The following EPB41L4A variants were observed in gnomAD, a reference collection of about 807,000 sequenced individuals.
The protein encoded by EPB41L4A is band 4.1-like protein 4A.
Under a neutral mutation model 108.6 loss-of-function variants are expected in EPB41L4A, and 100 were observed. The ratio of observed to expected loss-of-function variants is 0.92; its 90% CI spans 0.78 to 1.09. EPB41L4A has a LOEUF of 1.09. Among genes scored for constraint, EPB41L4A ranks in the 50% least tolerant of loss-of-function variants. The pLI, the probability that EPB41L4A is intolerant of heterozygous loss-of-function variation, is 0.00. For synonymous variants in EPB41L4A, 319 were observed against 289.0 expected (o/e 1.10, Z -1.05); for missense variants, 1,030 against 842.7 (o/e 1.22, Z -2.75).
intron 6 of EPB41L4A, chr5:112,264,648 G>A (rs1751724238): frequency 3.5e-6 from 1 of 283,398 alleles, no homozygotes; most frequent in Non-Finnish European, 6.5e-6. Flanking sequence ...ACAAAGAGAT[G>A]TCTGAAAGGC....
intron 1 of EPB41L4A, among the ~76,000 whole-genome samples, chr5:112,405,963 T>C (rs1030562203): frequency 2.0e-5 from 3 of 152,270 alleles, no homozygotes; most frequent in African/African-American, 7.2e-5. Flanking sequence ...TATATTCTTG[T>C]AGAATTGAGT....
At chr5:112,201,344 T>C (rs548245734) in intron 15 of EPB41L4A, among the ~76,000 whole-genome samples, 3 of 152,342 alleles carry the variant, frequency 2.0e-5, no homozygotes, top group Admixed American at 6.5e-5. Context: ...GTATCCACTC[T>C]CCACAATTAC....
At chr5:112,273,435 C>A (rs1752408062) in intron 4 of EPB41L4A, among the ~76,000 whole-genome samples, 1 of 152,156 alleles carries the variant, frequency 6.6e-6, no homozygotes, top group Non-Finnish European at 1.5e-5. Flanking sequence ...TGAAGTAATG[C>A]ATTATAAAAC....
At chr5:112,170,124 A>C (rs1306645720) in intron 20 of EPB41L4A, 177 bp downstream of exon 20, 2 of 617,058 alleles carry the variant, frequency 3.2e-6, no homozygotes, top group African/African-American at 3.8e-5. Context: ...TAGTGATTAT[A>C]GTGTAGAATA....
chr5:112,298,278 T>C (rs1046086713), intron 2 of EPB41L4A, among the ~76,000 whole-genome samples: 2 of 152,072 alleles, frequency 1.3e-5, no homozygotes, highest in African/African-American at 4.8e-5. Context: ...GTGTTTCCAT[T>C]TGCTTTCAAC....
intron 1 of EPB41L4A, among the ~76,000 whole-genome samples, chr5:112,411,797 G>T (rs534075215): frequency 8.5e-5 from 13 of 152,210 alleles, no homozygotes; most frequent in Admixed American, 6.5e-5. Flanking sequence ...CAGGAGCAGC[G>T]AGGATGGCAG....
rs528737234 is a variant in EPB41L4A, at chr5:112,156,139, C to A, written n.994+2262G>T. 1.2e-4 allele frequency among the ~76,000 whole-genome samples: 18 copies of A among 152,016 alleles called. No individual in the cohort carries two copies. The East Asian group carries it at 3.5e-3, about 29-fold the overall frequency. The stretch of plus-strand genomic sequence containing the variant: ...AAAAAAAGAACCCATATGTTCATCT[C>A]AATAGAAGCAGAAAAAATAATAAAA... On this transcript the variant is annotated intron_variant and non_coding_transcript_variant, in intron 12 of 13. Coordinates refer to the EPB41L4A transcript ENST00000507810.
chr5:112,371,306 G>A (rs564488303), intron 1 of EPB41L4A, among the ~76,000 whole-genome samples: 1 of 152,278 alleles, frequency 6.6e-6, no homozygotes, highest in South Asian at 2.1e-4. Flanking sequence ...TAGCAAAGGA[G>A]CTATTAGAAA....
intron 1 of EPB41L4A, among the ~76,000 whole-genome samples, chr5:112,416,216 A>G (rs13436058): frequency 0.082 from 12,480 of 152,108 alleles, 667 homozygotes; most frequent in Middle Eastern, 0.12. Flanking sequence ...GCTTAAATAA[A>G]TCCAAAGAAT....
At chr5:112,292,071 A>G (rs895497764) in intron 2 of EPB41L4A, among the ~76,000 whole-genome samples, 12 of 152,110 alleles carry the variant, frequency 7.9e-5, no homozygotes, top group African/African-American at 2.9e-4. Context: ...CTTATTTTCA[A>G]AGCATTCAGT....
At chr5:112,149,738 T>A (rs1759395510) in intron 12 of EPB41L4A, among the ~76,000 whole-genome samples, 1 of 152,148 alleles carries the variant, frequency 6.6e-6, no homozygotes, top group Non-Finnish European at 1.5e-5. Flanking sequence ...AAAATATTGT[T>A]CTAAATGCGT....
At chr5:112,191,821 A>G (rs1761715188) in intron 17 of EPB41L4A, among the ~76,000 whole-genome samples, 1 of 152,104 alleles carries the variant, frequency 6.6e-6, no homozygotes, top group Non-Finnish European at 1.5e-5. Flanking sequence ...TAAAAAGCAA[A>G]TTTGCCCGGT....
chr5:112,263,955 G>A (rs1751668809), intron 6 of EPB41L4A: 1 of 152,220 alleles, frequency 6.6e-6, no homozygotes, highest in Non-Finnish European at 1.5e-5. Context: ...TGAGATTACA[G>A]GCACATGCCA....
At chr5:112,336,105 G>C (rs1756897069) in intron 1 of EPB41L4A, among the ~76,000 whole-genome samples, 1 of 152,222 alleles carries the variant, frequency 6.6e-6, no homozygotes, top group South Asian at 2.1e-4. Context: ...AGTGGGATGG[G>C]AAGGGTCTTC....
At chr5:112,333,045 C>T (rs1756667614) in intron 1 of EPB41L4A, among the ~76,000 whole-genome samples, 1 of 152,128 alleles carries the variant, frequency 6.6e-6, no homozygotes, top group South Asian at 2.1e-4. Flanking sequence ...ATAGAGTTCC[C>T]AATGCCTCTA....
At chr5:112,282,160 G>T (rs1443196033) in intron 2 of EPB41L4A, among the ~76,000 whole-genome samples, 1 of 152,136 alleles carries the variant, frequency 6.6e-6, no homozygotes. Context: ...ATGAGGCTTT[G>T]GTGTTAAAAT....
chr5:112,187,229 T>C (rs975068176), intron 17 of EPB41L4A, among the ~76,000 whole-genome samples: 8 of 152,228 alleles, frequency 5.3e-5, no homozygotes, highest in African/African-American at 1.9e-4. Flanking sequence ...AAGGTGAACC[T>C]CAATAAACTA....
At chr5:112,218,860 T>G (rs374367462) in intron 12 of EPB41L4A, among the ~76,000 whole-genome samples, 1 of 152,192 alleles carries the variant, frequency 6.6e-6, no homozygotes, top group African/African-American at 2.4e-5. Flanking sequence ...TGTTTCAAAA[T>G]GATACCTAAA....
intron 1 of EPB41L4A, among the ~76,000 whole-genome samples, chr5:112,336,539 G>A (rs1053496819): frequency 1.3e-5 from 2 of 152,158 alleles, no homozygotes; most frequent in Non-Finnish European, 2.9e-5. Context: ...AGAGCTGTTC[G>A]CCAAATACTT....
Sources: allele counts gnomAD v4.1 joint callset (sites outside exome capture counted in the v4.1 genomes callset), GRCh38; gene constraint gnomAD v4.1.1; transcripts MANE v1.5; gene names NCBI Gene and HGNC (gene_info 2026-07-23, HGNC 2026-07-21).